The following PXDC1 variants were observed in gnomAD, a reference collection of about 807,000 sequenced individuals.
PXDC1 encodes PX domain containing 1, also known as PX domain-containing protein 1.
PXDC1 carries 13 observed loss-of-function variants against 24.4 expected under a neutral mutation model. The observed-to-expected ratio is 0.53, with a 90% confidence interval of 0.35 to 0.85. The LOEUF is 0.85. PXDC1 is among the 40% of genes least tolerant of loss of function. The pLI is 0.01. For missense variants in PXDC1, 344 were observed against 309.3 expected, an observed-to-expected ratio of 1.11 and a Z score of -0.84; for synonymous variants, 162 against 124.9, an observed-to-expected ratio of 1.30 and a Z score of -1.98.
rs927745117 is a variant in PXDC1, at chr6:3,737,434, G to A, written c.349-238C>T. On this transcript the variant is annotated intron_variant, in intron 2 of 4. Coordinates refer to ENST00000380283, the MANE Select transcript of PXDC1 (RefSeq NM_183373.4). This position sits in a 1 kb window ranked among gnomAD's most constrained non-coding sequence, Gnocchi z 5.5. ...AGGCCTCAGCGACCTGGGCAGTGGA[G>A]GGAATCATGGCTCTGATGTGCCAGT... is the stretch of plus-strand genomic sequence containing the variant. Among the ~76,000 whole-genome samples, 1 of 152,206 alleles carries A rather than the reference G, an allele frequency of 6.6e-6. No individual in the cohort carries two copies. The highest frequency in any genetic ancestry group is 1.5e-5 in the Non-Finnish European group (1 of 68,042).
intron 1 of PXDC1, among the ~76,000 whole-genome samples, chr6:3,749,868 G>A (rs551760127): frequency 1.3e-5 from 2 of 152,280 alleles, no homozygotes; most frequent in African/African-American, 4.8e-5. Context: ...TTTAAGCCTC[G>A]TTCCAGGAAA....
chr6:3,750,904 T>C (rs554657905), intron 1 of PXDC1, among the ~76,000 whole-genome samples: 38 of 151,868 alleles, frequency 2.5e-4, no homozygotes, highest in African/African-American at 8.4e-4. Context: ...CCGCCGGCCC[T>C]CGGGAGGTAC....
chr6:3,738,580 G>A lies in PXDC1; in HGVS notation c.257-432C>T, dbSNP rs137985327. 1.4e-3 allele frequency among the ~76,000 whole-genome samples: 218 copies of A among 152,272 alleles called. 2 individuals carry two copies. Among genetic ancestry groups the A allele is most frequent in the African/African-American group, 4.9e-3 (202 of 41,552 alleles). On this transcript the variant is annotated intron_variant, in intron 1 of 4. Coordinates refer to ENST00000380283, the MANE Select transcript of PXDC1 (RefSeq NM_183373.4). ...GGGAAGGACTCACTCTGCTGGCCAC[G>A]GCTGCTCAGATCGCAGACCCCTGGA... is the stretch of plus-strand genomic sequence containing the variant.
Position 3,751,392 on chromosome 6 carries a change from T to A in PXDC1, c.140A>T (p.Asp47Val), listed in dbSNP as rs1194580923. 2 of 1,570,332 alleles carry A rather than the reference T, an allele frequency of 1.3e-6. No homozygotes were observed. Among genetic ancestry groups the A allele is most frequent in the East Asian group, 4.7e-5 (2 of 42,336 alleles). ...GCGGTGCAGGTAGAGCACGCTGCGG[T>A]CCGACCACTCCGTGCGGATCTCGAA... ...EFFEIRTEWS[D>V]RSVLYLHRSL... is the part of the protein sequence containing the mutation. Residue 47 changes from aspartate (D) to valine (V), a missense_variant, in exon 1 of 5, where the codon GAC becomes GTC. Asp to Val is a radical substitution (Grantham distance 152, BLOSUM62 -3). Transcript: ENST00000380283.
chr6:3,750,125 C>T (rs1038644127), intron 1 of PXDC1, among the ~76,000 whole-genome samples: 1 of 152,250 alleles, frequency 6.6e-6, no homozygotes, highest in Non-Finnish European at 1.5e-5. Flanking sequence ...AAAGATGTGT[C>T]ATGAGAACTA....
chr6:3,726,250 G>A (rs1292188728), intron 4 of PXDC1, among the ~76,000 whole-genome samples: 3 of 152,182 alleles, frequency 2.0e-5, no homozygotes, highest in Non-Finnish European at 4.4e-5. Context: ...AAGCTAAAGG[G>A]CCTCTTTCTT....
rs1459325890 is a variant in PXDC1 at position 3,724,671 on chromosome 6, GCC to G, written c.579-937_579-936del. Among the ~76,000 whole-genome samples the G allele has an allele frequency of 6.6e-6, 1 of 152,028 alleles. No homozygotes were observed. The highest frequency in any genetic ancestry group is 1.5e-5 in the Non-Finnish European group (1 of 68,008). ...CCACCTCGGGGCTGCCTCCTGTGCC[GCC>G]CCCAGTGACTGAAGGTGGCCCTGGC... is the stretch of plus-strand genomic sequence containing the variant. On this transcript the variant is annotated intron_variant, in intron 4 of 4. Transcript: ENST00000380283. This position sits in a 1 kb window ranked among gnomAD's most constrained non-coding sequence, Gnocchi z 4.5.
At chr6:3,731,960 T>C (rs1288148861) in intron 3 of PXDC1, among the ~76,000 whole-genome samples, 2 of 152,230 alleles carry the variant, frequency 1.3e-5, no homozygotes, top group Non-Finnish European at 2.9e-5. Context: ...TGAGGAGGCT[T>C]CTGCCAGCTG....
intron 1 of PXDC1, among the ~76,000 whole-genome samples, chr6:3,743,590 T>C (rs1760497527): frequency 6.6e-6 from 1 of 152,180 alleles, no homozygotes; most frequent in South Asian, 2.1e-4. Flanking sequence ...GTTTTCTAAA[T>C]AGGCAGTCAA....
At chr6:3,736,369 C>G (rs911495693) in intron 3 of PXDC1, among the ~76,000 whole-genome samples, 7 of 152,152 alleles carry the variant, frequency 4.6e-5, no homozygotes, top group South Asian at 4.1e-4. Context: ...ATGAGTCCCC[C>G]CTTCCCTCCC....
rs1215191439 is a variant in PXDC1 at position 3,741,157 on chromosome 6, G to A, written c.257-3009C>T. ...ACAACCGACCAGCAGCAGGCTCTTC[G>A]GTCACCAGCCTCGAAGGAGAGTCTC... On this transcript the variant is annotated intron_variant, in intron 1 of 4. Transcript: ENST00000380283. Among the ~76,000 whole-genome samples the A allele has an allele frequency of 3.3e-5, 5 of 152,314 alleles. No homozygotes were observed. In the Middle Eastern group the frequency reaches 0.01, roughly 311 times the overall value.
At chr6:3,744,167 C>T (rs896017050) in intron 1 of PXDC1, among the ~76,000 whole-genome samples, 4 of 152,216 alleles carry the variant, frequency 2.6e-5, no homozygotes, top group African/African-American at 9.7e-5. Context: ...AAATTTTAGA[C>T]TCAACATTCT....
In PXDC1 at chr6:3,737,301, A is replaced by G; in HGVS notation, c.349-105T>C. The G allele has an allele frequency of 1.3e-6, 1 of 789,368 alleles. No individual in the cohort carries two copies. The highest frequency in any genetic ancestry group is 2.2e-6 in the Non-Finnish European group (1 of 462,806). 48.9% of individuals were successfully genotyped at this position (789,368 alleles called of 1,614,324 possible). ...CTCCTCCGCAGAGGCAGCCTGTGTG[A>G]TGCAAACGCCCCATGAATGTCCAGA... On this transcript the variant is annotated intron_variant, in intron 2 of 4. Coordinates refer to ENST00000380283, the MANE Select transcript of PXDC1 (RefSeq NM_183373.4). The surrounding 1 kb of genome is among the most constrained non-coding windows in gnomAD (Gnocchi z 5.5).
intron 1 of PXDC1, among the ~76,000 whole-genome samples, chr6:3,741,729 G>A (rs141391429): frequency 6.6e-5 from 10 of 152,332 alleles, no homozygotes; most frequent in Admixed American, 2.6e-4. Flanking sequence ...AGAACGCAGC[G>A]CGGGGCTGCC....
In PXDC1 at chr6:3,744,011, C is replaced by T. The variant is rs114826349; in HGVS notation, c.257-5863G>A. Among the ~76,000 whole-genome samples, 1,406 of 152,312 alleles carry T rather than the reference C, an allele frequency of 9.2e-3. 27 individuals are homozygous for T. Among genetic ancestry groups the T allele is most frequent in the African/African-American group, 0.032 (1,346 of 41,556 alleles). On this transcript the variant is annotated intron_variant, in intron 1 of 4. Transcript: ENST00000380283. ...TTCCTCCCTCTGCAGCAGTGGCTGCCTTCTGTACCTGGGAGGTGGCTCCTA... is the reference window on the plus strand; with the variant it reads ...TTCCTCCCTCTGCAGCAGTGGCTGCTTTCTGTACCTGGGAGGTGGCTCCTA...
chr6:3,751,306 A>G lies in PXDC1; in HGVS notation c.226T>C (p.Ser76Pro). The G allele has an allele frequency of 6.5e-7, 1 of 1,541,204 alleles. No individual in the cohort carries two copies. The highest frequency in any genetic ancestry group is 8.7e-7 in the Non-Finnish European group (1 of 1,149,028). ...CGCAGCGGCCCCTGCGCCAGTTCGGACCGGTCCTCGGGAAAGGCGTCGCGC... is the reference window on the plus strand; with the variant it reads ...CGCAGCGGCCCCTGCGCCAGTTCGGGCCGGTCCTCGGGAAAGGCGTCGCGC... Reference protein sequence around the residue: ...RLRDAFPEDRSELAQGPLRQG... With the variant: ...RLRDAFPEDRPELAQGPLRQG... The change falls in exon 1 of 5, where the codon TCC (serine) becomes CCC (proline). Residue 76 changes from serine (S) to proline (P), a missense_variant. Ser to Pro is a moderately conservative substitution (Grantham distance 74, BLOSUM62 -1). Transcript: ENST00000380283.
chr6:3,736,398 G>A (rs1241823505), intron 3 of PXDC1, among the ~76,000 whole-genome samples: 2 of 152,050 alleles, frequency 1.3e-5, no homozygotes, highest in Non-Finnish European at 2.9e-5. Flanking sequence ...AGGCAAGATC[G>A]CACACAACTG....
intron 3 of PXDC1, among the ~76,000 whole-genome samples, chr6:3,729,285 C>T (rs539398589): frequency 1.8e-4 from 27 of 152,196 alleles, no homozygotes; most frequent in African/African-American, 4.6e-4. Context: ...GCTTTCCATA[C>T]GAAGAGAATT....
rs1030539828 is a variant in PXDC1 at position 3,722,669 on chromosome 6, A to G, written c.*950T>C. 1.3e-5 allele frequency: 2 copies of G among 152,668 alleles called. No individual in the cohort carries two copies. The highest frequency in any genetic ancestry group is 4.8e-5 in the African/African-American group (2 of 41,444). The allele number at this position is 152,668 out of a possible 1,614,324, so 9.5% of individuals were successfully genotyped here. ...AAATAGATTAAAAACAGACTGTGTA[A>G]AAGAATTAGAATTCTCAATAATTTA... On this transcript the variant is annotated 3_prime_UTR_variant, in exon 5 of 5. Coordinates refer to ENST00000380283, the MANE Select transcript of PXDC1 (RefSeq NM_183373.4).
Sources: gnomAD v4.1 joint callset for allele counts (sites outside exome capture counted in the v4.1 genomes callset) on GRCh38, gnomAD v4.1.1 for gene constraint, Gnocchi (gnomAD v3.1) non-coding constraint, MANE v1.5 for transcripts, NCBI Gene and HGNC (gene_info 2026-07-23, HGNC 2026-07-21) for gene names.